RAB3IP: variants seen among roughly 807,000 people sequenced by gnomAD.
RAB3IP encodes RAB3A interacting protein, also known as rab-3A-interacting protein.
Under a neutral mutation model 59.1 loss-of-function variants are expected in RAB3IP, and 36 were observed. The ratio of observed to expected loss-of-function variants is 0.61; its 90% CI spans 0.47 to 0.80. RAB3IP has a LOEUF of 0.80. Ranked by LOEUF, RAB3IP falls within the 30% of genes least tolerant of loss-of-function variation. The pLI is 0.00. For missense variants in RAB3IP, 511 were observed against 536.0 expected, an observed-to-expected ratio of 0.95 and a Z score of 0.46; for synonymous variants, 207 against 191.2, an observed-to-expected ratio of 1.08 and a Z score of -0.68.
intron 8 of RAB3IP, among the ~76,000 whole-genome samples, chr12:69,807,687 C>G (rs898790522): frequency 2.2e-5 from 3 of 135,676 alleles, no homozygotes; most frequent in African/African-American, 8.6e-5. Flanking sequence ...AGACGATGGG[C>G]GGCCGGGCAG....
chr12:69,747,146 A>C (rs1172440367), intron 1 of RAB3IP, among the ~76,000 whole-genome samples: 1 of 152,204 alleles, frequency 6.6e-6, no homozygotes, highest in Non-Finnish European at 1.5e-5. Context: ...ATATGATCAA[A>C]ATATTTGGCC....
chr12:69,798,913 G>A (rs886102894), intron 6 of RAB3IP, among the ~76,000 whole-genome samples: 1 of 152,128 alleles, frequency 6.6e-6, no homozygotes, highest in Non-Finnish European at 1.5e-5. Flanking sequence ...TTGGAGATGT[G>A]ACATCTCTTA....
At chr12:69,812,157 A>G (rs986847604) in intron 8 of RAB3IP, 2 of 152,352 alleles carry the variant, frequency 1.3e-5, no homozygotes, top group African/African-American at 4.8e-5. Context: ...TTGATAGCCT[A>G]ATCCCAGCCA....
chr12:69,743,859 A>C (rs1565865491), intron 1 of RAB3IP, among the ~76,000 whole-genome samples: 1 of 117,084 alleles, frequency 8.5e-6, no homozygotes, highest in Non-Finnish European at 1.7e-5. Flanking sequence ...CCTTCTCTAA[A>C]GACTCTTGTT....
In RAB3IP at chr12:69,771,026, G is replaced by C. The variant is rs73332062; in HGVS notation, c.511-13694G>C. The stretch of plus-strand genomic sequence containing the variant: ...ATTCTACTCCTCCCTACTCTTCCCA[G>C]CTTTTGATAACCGCTATTCTCTGCT... On this transcript the variant is annotated intron_variant, in intron 3 of 10. Coordinates refer to ENST00000247833, the MANE Select transcript of RAB3IP (RefSeq NM_022456.5). 9.7e-3 allele frequency among the ~76,000 whole-genome samples: 1,481 copies of C among 152,118 alleles called. 19 individuals are homozygous for C. Among genetic ancestry groups the C allele is most frequent in the African/African-American group, 0.034 (1,399 of 41,472 alleles).
At chr12:69,803,136 T>C (rs1179354653) in intron 8 of RAB3IP, among the ~76,000 whole-genome samples, 1 of 152,188 alleles carries the variant, frequency 6.6e-6, no homozygotes, top group Non-Finnish European at 1.5e-5. Flanking sequence ...TGTGCAGATA[T>C]CATCAAATGA....
In RAB3IP at chr12:69,780,262, C is replaced by T. The variant is rs997565848; in HGVS notation, c.511-4458C>T. On this transcript the variant is annotated intron_variant, in intron 3 of 10. Coordinates refer to ENST00000247833, the MANE Select transcript of RAB3IP (RefSeq NM_022456.5). ...AGTTCCCCAACTGTAGCAAAAGGAA[C>T]TGGAGCTGAGACTGGGACCCCTTAC... is the stretch of plus-strand genomic sequence containing the variant. 7.2e-5 allele frequency among the ~76,000 whole-genome samples: 11 copies of T among 152,220 alleles called. 1 individual carries two copies. The highest frequency in any genetic ancestry group is 7.2e-4 in the Admixed American group (11 of 15,282).
chr12:69,780,006 C>T (rs1480251669), intron 3 of RAB3IP, among the ~76,000 whole-genome samples: 1 of 152,192 alleles, frequency 6.6e-6, no homozygotes, highest in African/African-American at 2.4e-5. Flanking sequence ...AGATCTAAGA[C>T]TGGCTGTTGT....
intron 1 of RAB3IP, among the ~76,000 whole-genome samples, chr12:69,741,010 T>C (rs779309744): frequency 4.6e-5 from 7 of 152,252 alleles, no homozygotes; most frequent in Non-Finnish European, 8.8e-5. Context: ...TGAGCTTATT[T>C]TCTCCATTTG....
At chr12:69,796,748 T>C in intron 6 of RAB3IP, 2 of 464,072 alleles carry the variant, frequency 4.3e-6, no homozygotes, top group South Asian at 4.3e-5. Flanking sequence ...CTAACTTTAA[T>C]TCTAATTCTT....
At chr12:69,795,022 G>A in intron 5 of RAB3IP, 119 bp from the exon 6 acceptor site, 1 of 751,958 alleles carries the variant, frequency 1.3e-6, no homozygotes, top group East Asian at 2.7e-5. Context: ...TACTCCACAG[G>A]AAATACAAAT....
At chr12:69,770,456 T>C (rs1872930735) in intron 3 of RAB3IP, among the ~76,000 whole-genome samples, 1 of 152,256 alleles carries the variant, frequency 6.6e-6, no homozygotes, top group African/African-American at 2.4e-5. Context: ...TATTGTCTTA[T>C]ACAAATTTGT....
intron 3 of RAB3IP, among the ~76,000 whole-genome samples, chr12:69,778,492 T>C (rs1218782958): frequency 1.3e-5 from 2 of 149,154 alleles, no homozygotes; most frequent in East Asian, 4.0e-4. Flanking sequence ...AGAGGCGCTC[T>C]GATTTTTAGA....
At chr12:69,785,412 G>A (rs1396437580) in intron 4 of RAB3IP, among the ~76,000 whole-genome samples, 3 of 152,136 alleles carry the variant, frequency 2.0e-5, no homozygotes, top group Non-Finnish European at 1.5e-5. Flanking sequence ...AGGGACAGAG[G>A]CACTCATTAT....
intron 3 of RAB3IP, among the ~76,000 whole-genome samples, chr12:69,779,404 C>A (rs577068334): frequency 5.9e-5 from 9 of 152,110 alleles, no homozygotes; most frequent in African/African-American, 9.6e-5. Context: ...AGCTGTAGAC[C>A]GGAGCTGTTC....
At chr12:69,779,482 G>A (rs1297492101) in intron 3 of RAB3IP, among the ~76,000 whole-genome samples, 2 of 151,686 alleles carry the variant, frequency 1.3e-5, no homozygotes, top group Non-Finnish European at 1.5e-5. Flanking sequence ...CCAATTACTC[G>A]AACATTTTCT....
intron 3 of RAB3IP, among the ~76,000 whole-genome samples, chr12:69,765,626 A>C (rs1048245785): frequency 1.3e-5 from 2 of 152,008 alleles, no homozygotes; most frequent in Admixed American, 6.5e-5. Context: ...CTGCCTGAGC[A>C]TGGAGCAGAG....
In RAB3IP at chr12:69,756,546, T is replaced by G; in HGVS notation, c.393T>G (p.Ser131Arg). 6 of 1,614,096 alleles carry G rather than the reference T, an allele frequency of 3.7e-6. No homozygotes were observed. Among genetic ancestry groups the G allele is most frequent in the Non-Finnish European group, 5.1e-6 (6 of 1,179,998 alleles). ...CTATAACAGAGGCTTGCGATGGCAG[T>G]GATGATATTTTTGGGTTGAGTACTG... is the stretch of plus-strand genomic sequence containing the variant. ...GATITEACDGSDDIFGLSTDS... is the reference protein window; with the variant it reads ...GATITEACDGRDDIFGLSTDS... Residue 131 changes from serine (S) to arginine (R), a missense_variant, in exon 3 of 11, where the codon AGT becomes AGG. Transcript: ENST00000247833.
chr12:69,791,088 G>A (rs1876530646), intron 4 of RAB3IP, among the ~76,000 whole-genome samples: 1 of 152,094 alleles, frequency 6.6e-6, no homozygotes, highest in South Asian at 2.1e-4. Flanking sequence ...CACCTAGTGG[G>A]GAGTAGATAG....
Sources: allele counts gnomAD v4.1 joint callset (sites outside exome capture counted in the v4.1 genomes callset), GRCh38; gene constraint gnomAD v4.1.1; transcripts MANE v1.5; gene names NCBI Gene and HGNC (gene_info 2026-07-23, HGNC 2026-07-21).